The following TNIK variants were observed in gnomAD, a reference collection of about 807,000 sequenced individuals.
TNIK encodes TRAF2 and NCK-interacting protein kinase.
Under a neutral mutation model 191.3 loss-of-function variants are expected in TNIK, and 49 were observed. The observed-to-expected ratio is 0.26, with a 90% CI of 0.20 to 0.32. TNIK has a LOEUF of 0.32. TNIK is among the 10% of genes least tolerant of loss of function. The pLI is 1.00. For missense variants in TNIK, 1,155 were observed against 1,702.3 expected (o/e 0.68, Z 5.66); for synonymous variants, 594 against 600.9 (o/e 0.99, Z 0.17).
intron 7 of TNIK, among the ~76,000 whole-genome samples, chr3:171,180,737 G>C (rs945389805): frequency 6.6e-6 from 1 of 152,098 alleles, no homozygotes; most frequent in Non-Finnish European, 1.5e-5. Context: ...AACTGAGCTG[G>C]GTCTTCTGCT....
At chr3:171,075,943 G>A (rs941132297) in intron 28 of TNIK, among the ~76,000 whole-genome samples, 2 of 152,004 alleles carry the variant, frequency 1.3e-5, no homozygotes, top group Non-Finnish European at 2.9e-5. Context: ...TCACTATGTT[G>A]GCCAGGCTGG....
intron 12 of TNIK, among the ~76,000 whole-genome samples, chr3:171,147,455 T>C (rs1386199268): frequency 6.6e-6 from 1 of 152,240 alleles, no homozygotes; most frequent in Non-Finnish European, 1.5e-5. Context: ...GCTAAAGTTT[T>C]AGTTTTGGAA....
intron 2 of TNIK, among the ~76,000 whole-genome samples, chr3:171,256,868 C>T (rs1324262885): frequency 6.6e-6 from 1 of 152,162 alleles, no homozygotes; most frequent in African/African-American, 2.4e-5. Context: ...GTCCTCTGCA[C>T]TTCCCCAGGG....
At chr3:171,207,858 T>G (rs141898429) in intron 4 of TNIK, among the ~76,000 whole-genome samples, 168 of 152,328 alleles carry the variant, frequency 1.1e-3, no homozygotes, top group Admixed American at 2.0e-3. Context: ...AATATAATTT[T>G]CATTCATAAA....
chr3:171,116,610 G>A (rs1398624280), intron 18 of TNIK, among the ~76,000 whole-genome samples: 1 of 152,198 alleles, frequency 6.6e-6, no homozygotes, highest in Non-Finnish European at 1.5e-5. Flanking sequence ...CACAGCCAAT[G>A]AGAAGAAATG....
rs148672188 is a variant in TNIK at position 171,295,058 on chromosome 3, A to G, written c.124-66837T>C. Among the ~76,000 whole-genome samples, 193 of 152,116 alleles carry G rather than the reference A, an allele frequency of 1.3e-3. 7 individuals carry two copies. The East Asian group carries it at 0.031, about 24-fold the overall frequency. ...AAAAAGAATAGCAGACAGTGTGGGC[A>G]GTTTGATGGGCCAGGCTTAGAAGAG... On this transcript the variant is annotated intron_variant, in intron 2 of 32. Transcript: ENST00000436636.
chr3:171,424,995 A>C (rs1371259356), intron 1 of TNIK, among the ~76,000 whole-genome samples: 4 of 150,868 alleles, frequency 2.7e-5, no homozygotes, highest in African/African-American at 9.8e-5. Flanking sequence ...AAAAAAAAAA[A>C]CTGGGCACAT....
chr3:171,374,819 C>T (rs750187035), intron 1 of TNIK, among the ~76,000 whole-genome samples: 10 of 152,128 alleles, frequency 6.6e-5, no homozygotes, highest in Non-Finnish European at 8.8e-5. Flanking sequence ...GTGTCAGAAA[C>T]GATTCTAAGC....
intron 3 of TNIK, among the ~76,000 whole-genome samples, chr3:171,226,693 T>C (rs1743004844): frequency 6.6e-6 from 1 of 150,446 alleles, no homozygotes; most frequent in African/African-American, 2.4e-5. Context: ...ATAAAAAGAA[T>C]TAGTACTTTA....
intron 2 of TNIK, among the ~76,000 whole-genome samples, chr3:171,274,536 TTATAA>T (rs1339271889): frequency 2.6e-4 from 40 of 152,152 alleles, no homozygotes; most frequent in African/African-American, 8.2e-4. Context: ...TATAAAAATG[TTATAA>T]TATAAGATAG....
intron 23 of TNIK, among the ~76,000 whole-genome samples, chr3:171,093,401 A>G (rs1052062543): frequency 2.6e-5 from 4 of 152,232 alleles, no homozygotes; most frequent in African/African-American, 9.6e-5. Flanking sequence ...TTAACAAGAT[A>G]AGATGATATC....
chr3:171,372,422 G>A (rs1385665317), intron 1 of TNIK, among the ~76,000 whole-genome samples: 1 of 152,224 alleles, frequency 6.6e-6, no homozygotes, highest in African/African-American at 2.4e-5. Context: ...TATACTGTGT[G>A]AGTTTATTGG....
intron 19 of TNIK, among the ~76,000 whole-genome samples, chr3:171,109,987 C>T (rs1216598089): frequency 3.3e-5 from 5 of 152,062 alleles, no homozygotes; most frequent in Admixed American, 6.5e-5. Flanking sequence ...TCACCACAAC[C>T]TCTGCCTCCT....
Position 171,157,682 on chromosome 3 carries a change from T to C in TNIK, c.1017-18A>G. ...GGATGGAGCTGTGGGTAGGAGAGAGTGATCAGGATCCCACGTGGGGCAGGG... is the reference window on the plus strand; with the variant it reads ...GGATGGAGCTGTGGGTAGGAGAGAGCGATCAGGATCCCACGTGGGGCAGGG... On this transcript the variant is annotated intron_variant, in intron 11 of 32. Transcript: ENST00000436636. 1 of 1,551,672 alleles carries C rather than the reference T, an allele frequency of 6.4e-7. No homozygotes were observed.
chr3:171,238,091 G>A (rs1744520109), intron 2 of TNIK, among the ~76,000 whole-genome samples: 1 of 152,150 alleles, frequency 6.6e-6, no homozygotes, highest in South Asian at 2.1e-4. Flanking sequence ...AGCACAGACT[G>A]CATTTGCGAT....
intron 2 of TNIK, among the ~76,000 whole-genome samples, chr3:171,295,501 T>TC (rs1372149577): frequency 6.6e-6 from 1 of 152,110 alleles, no homozygotes; most frequent in Non-Finnish European, 1.5e-5. Flanking sequence ...ACATCTCCTG[T>TC]CCCCCAACTG....
chr3:171,245,003 A>G (rs1025184854), intron 2 of TNIK, among the ~76,000 whole-genome samples: 2 of 152,174 alleles, frequency 1.3e-5, no homozygotes, highest in South Asian at 4.1e-4. Context: ...CTATACCAAT[A>G]ATGATTCATG....
In TNIK at chr3:171,344,602, T is replaced by C. The variant is rs1444358606; in HGVS notation, c.123+25018A>G. Among the ~76,000 whole-genome samples, 7 of 152,156 alleles carry C rather than the reference T, an allele frequency of 4.6e-5. No homozygotes were observed. In the East Asian group the frequency reaches 1.2e-3, roughly 25 times the overall value. ...CCTTCCTATTTTGCACAGCTCAGAATTGTGAAAGTGACAGGCTAAGTTCTA... is the reference window on the plus strand; with the variant it reads ...CCTTCCTATTTTGCACAGCTCAGAACTGTGAAAGTGACAGGCTAAGTTCTA... On this transcript the variant is annotated intron_variant, in intron 2 of 32. Transcript: ENST00000436636.
chr3:171,305,162 A>G (rs1753319487), intron 2 of TNIK, among the ~76,000 whole-genome samples: 1 of 152,140 alleles, frequency 6.6e-6, no homozygotes, highest in South Asian at 2.1e-4. Flanking sequence ...AGTCACTTAG[A>G]GAGCTAAAGC....
Sources: gnomAD v4.1 joint callset for allele counts (sites outside exome capture counted in the v4.1 genomes callset) on GRCh38, gnomAD v4.1.1 for gene constraint, MANE v1.5 for transcripts, NCBI Gene and HGNC (gene_info 2026-07-23, HGNC 2026-07-21) for gene names.